MYCBP2: variants seen among roughly 807,000 people sequenced by gnomAD.
MYCBP2 encodes the protein E3 ubiquitin-protein ligase MYCBP2.
Under a neutral mutation model 525.3 loss-of-function variants are expected in MYCBP2, and 120 were observed. That is an observed-to-expected ratio of 0.23 (90% CI 0.20 to 0.27). The LOEUF (loss-of-function observed/expected upper bound fraction) is 0.27, where lower values mean the gene tolerates loss of function less well. MYCBP2 is among the 10% of genes least tolerant of loss of function. The probability of loss-of-function intolerance (pLI) is 1.00; values close to 1 mark genes in which losing one functional copy is unlikely to be tolerated. For synonymous variants in MYCBP2, 1,894 were observed against 1,955.8 expected, an observed-to-expected ratio of 0.97 and a Z score of 0.83; for missense variants, 4,149 against 5,657.1, an observed-to-expected ratio of 0.73 and a Z score of 8.55.
intron 52 of MYCBP2, among the ~76,000 whole-genome samples, chr13:77,131,945 TAAAAG>T (rs1396513278): frequency 2.0e-5 from 3 of 151,996 alleles, no homozygotes; most frequent in African/African-American, 7.2e-5. Context: ...CTCATGCAAA[TAAAAG>T]AAAAAAATCT....
intron 8 of MYCBP2, 53 bp downstream of exon 8, chr13:77,267,788 A>G (rs1209472259): frequency 1.2e-5 from 16 of 1,324,842 alleles, no homozygotes; most frequent in African/African-American, 1.0e-4. Context: ...ATAGCTTAAC[A>G]TGCACATTTC....
intron 27 of MYCBP2, among the ~76,000 whole-genome samples, chr13:77,192,985 C>T (rs1047957071): frequency 1.3e-5 from 2 of 151,914 alleles, no homozygotes; most frequent in African/African-American, 4.8e-5. Flanking sequence ...AAACATTAGC[C>T]GGGCCTGGTG....
chr13:77,257,996 CTT>C (rs1313641659), intron 13 of MYCBP2, among the ~76,000 whole-genome samples, 167 bp from the exon 14 acceptor site: 1 of 152,174 alleles, frequency 6.6e-6, no homozygotes, highest in African/African-American at 2.4e-5. Context: ...AACTTTGTAA[CTT>C]TGTAACGTAG....
intron 48 of MYCBP2, among the ~76,000 whole-genome samples, chr13:77,145,925 T>C (rs1187444999): frequency 6.6e-6 from 1 of 151,928 alleles, no homozygotes; most frequent in Admixed American, 6.6e-5. Context: ...ATATCTACTT[T>C]ACATACCTAT....
At chr13:77,198,655 G>A in intron 26 of MYCBP2, among the ~76,000 whole-genome samples, 1 of 152,108 alleles carries the variant, frequency 6.6e-6, no homozygotes, top group East Asian at 1.9e-4. Context: ...ATAATTTGTT[G>A]GCCCTTTTGG....
chr13:77,140,487 A>AT (rs2054442889), intron 50 of MYCBP2, among the ~76,000 whole-genome samples: 2 of 152,288 alleles, frequency 1.3e-5, no homozygotes, highest in South Asian at 2.1e-4. Context: ...CCAATATTTC[A>AT]TTTTTTTAAC....
intron 48 of MYCBP2, among the ~76,000 whole-genome samples, chr13:77,145,516 G>A (rs2055386057): frequency 6.6e-6 from 1 of 152,026 alleles, no homozygotes; most frequent in East Asian, 1.9e-4. Context: ...CAATATAGAT[G>A]ATTCCCAAAT....
intron 13 of MYCBP2, 39 bp from the exon 14 acceptor site, chr13:77,257,868 G>A (rs778867099): frequency 1.3e-6 from 2 of 1,555,564 alleles, no homozygotes; most frequent in East Asian, 4.6e-5. Flanking sequence ...ACAACAAAAA[G>A]GCCCTTCTGA....
chr13:77,082,080 T>G, intron 63 of MYCBP2, 87 bp from the exon 64 acceptor site: 1 of 1,127,090 alleles, frequency 8.9e-7, no homozygotes, highest in Non-Finnish European at 1.2e-6. Flanking sequence ...CTGTAGCTAA[T>G]ATCTCAAGAA....
At chr13:77,082,058 T>C in intron 63 of MYCBP2, 65 bp from the exon 64 acceptor site, 1 of 1,435,476 alleles carries the variant, frequency 7.0e-7, no homozygotes, top group Non-Finnish European at 9.6e-7. Flanking sequence ...AAGGAACTCT[T>C]AGATGAGTAC....
Position 77,168,651 on chromosome 13 carries a change from T to G in MYCBP2, c.5896-5A>C. The G allele has an allele frequency of 1.9e-6, 3 of 1,613,586 alleles. No individual in the cohort carries two copies. The highest frequency in any genetic ancestry group is 2.5e-6 in the Non-Finnish European group (3 of 1,179,560). On this transcript the variant is annotated splice_polypyrimidine_tract_variant and splice_region_variant and intron_variant, in intron 39 of 82. Transcript: ENST00000544440. ...GCCAAAGACTTCTACAGCCACCTAG[T>G]ACACATATAAAAATATGGTTAAATG...
At chr13:77,066,641 T>C (rs548284944) in intron 71 of MYCBP2, among the ~76,000 whole-genome samples, 2 of 152,320 alleles carry the variant, frequency 1.3e-5, no homozygotes, top group East Asian at 3.9e-4. Context: ...AGAAGTAGAA[T>C]TGGTAGGTCA....
chr13:77,257,121 G>A lies in MYCBP2; in HGVS notation c.2176+550C>T, dbSNP rs1227330612. The stretch of plus-strand genomic sequence containing the variant: ...CTGGAGGATATTATGTTAAGTGAAA[G>A]AAGCCAGGCACCGAAAGACCAACTT... On this transcript the variant is annotated intron_variant, in intron 14 of 82. Transcript: ENST00000544440. Among the ~76,000 whole-genome samples the A allele has an allele frequency of 2.6e-5, 4 of 152,128 alleles. No individual in the cohort carries two copies. The East Asian group carries it at 7.7e-4, about 29-fold the overall frequency.
At chr13:77,109,261 T>C (rs1200536230) in intron 55 of MYCBP2, among the ~76,000 whole-genome samples, 1 of 152,192 alleles carries the variant, frequency 6.6e-6, no homozygotes, top group Non-Finnish European at 1.5e-5. Flanking sequence ...AAGATGGAAC[T>C]GCTCCACCTC....
rs149649903 is a variant in MYCBP2, at chr13:77,068,655, G to A, written c.12081C>T (p.Asn4027=). Residue 4027 remains asparagine (N), a synonymous_variant, in exon 70 of 83, where the codon AAC becomes AAT. Coordinates refer to ENST00000544440, the MANE Select transcript of MYCBP2 (RefSeq NM_015057.5). ...GTTGAGCCAGATATTGCCGGCCAACGTTAGAGCCACTCAGTGCTAAAACCA... is the reference window on the plus strand; with the variant it reads ...GTTGAGCCAGATATTGCCGGCCAACATTAGAGCCACTCAGTGCTAAAACCA... The part of the protein sequence containing the change: ...LSMVLALSGS[N]VGRQYLAQQL... The A allele has an allele frequency of 1.3e-5, 21 of 1,614,192 alleles. No individual in the cohort carries two copies. Among genetic ancestry groups the A allele is most frequent in the Middle Eastern group, 1.6e-4 (1 of 6,062 alleles).
At chr13:77,053,359 T>C (rs748132583) in intron 80 of MYCBP2, among the ~76,000 whole-genome samples, 29 of 152,176 alleles carry the variant, frequency 1.9e-4, no homozygotes, top group Non-Finnish European at 3.1e-4. Context: ...CTGGGACAAT[T>C]TGCATGCACT....
At chr13:77,239,072 A>T (rs2068424013) in intron 17 of MYCBP2, among the ~76,000 whole-genome samples, 1 of 152,142 alleles carries the variant, frequency 6.6e-6, no homozygotes. Flanking sequence ...GTGAGCCGAG[A>T]TCGCACCACT....
At chr13:77,173,555 A>G (rs1281958414) in intron 37 of MYCBP2, among the ~76,000 whole-genome samples, 2 of 152,186 alleles carry the variant, frequency 1.3e-5, no homozygotes. Context: ...ATTATTTTAT[A>G]CTATCTACGT....
intron 79 of MYCBP2, among the ~76,000 whole-genome samples, chr13:77,056,099 G>GGTGTGTGTGTGTGTGTGTGTGT (rs56952443): frequency 1.7e-5 from 2 of 120,522 alleles, no homozygotes; most frequent in African/African-American, 3.3e-5. Flanking sequence ...CTCTGTGTTT[G>GGTGTGTGTGTGTGTGTGTGTGT]GTGTGTGTGT....
Sources: allele counts gnomAD v4.1 joint callset (sites outside exome capture counted in the v4.1 genomes callset), GRCh38; gene constraint gnomAD v4.1.1; transcripts MANE v1.5; gene names NCBI Gene and HGNC (gene_info 2026-07-23, HGNC 2026-07-21).